Variants in CARS2 observed in about 807,000 individuals in gnomAD.
The protein encoded by CARS2 is probable cysteine--tRNA ligase, mitochondrial.
CARS2 carries 52 observed loss-of-function variants against 68.8 expected under a neutral mutation model. The ratio of observed to expected loss-of-function variants is 0.76; its 90% confidence interval spans 0.61 to 0.95. The LOEUF is 0.95. Among genes scored for constraint, CARS2 ranks in the 40% least tolerant of loss-of-function variants. The pLI, the probability that CARS2 is intolerant of heterozygous loss-of-function variation, is 0.00. For missense variants in CARS2, 780 were observed against 754.2 expected (o/e 1.03, Z -0.40); for synonymous variants, 314 against 303.6 (o/e 1.03, Z -0.36).
rs751587477 is a variant in CARS2, at chr13:110,646,035, G to C, written c.1249C>G (p.Pro417Ala). ...KAALADDFDT[P>A]RVVDAILGLA... is the part of the protein sequence containing the mutation. ...CCCAGGATGGCATCAACCACCCTGG[G>C]TGTGTCAAAATCATCTGCCAAGGCC... is the stretch of plus-strand genomic sequence containing the variant. The change falls in exon 12 of 15, where the codon CCC becomes GCC. Residue 417 changes from proline (P) to alanine (A), a missense_variant. Transcript: ENST00000257347. The C allele has an allele frequency of 6.2e-7, 1 of 1,613,828 alleles. No homozygotes were observed. The highest frequency in any genetic ancestry group is 8.5e-7 in the Non-Finnish European group (1 of 1,179,926).
At chr13:110,708,653 G>A (rs569752644), upstream of CARS2, among the ~76,000 whole-genome samples, 112 of 150,654 alleles carry the variant, frequency 7.4e-4, no homozygotes, top group Non-Finnish European at 1.4e-3. Context: ...TGCAGCCTCT[G>A]CCTCCTGGTT....
At position 110,655,577 on chromosome 13, in the gene CARS2, C is replaced by A. The variant is rs189093074; in HGVS notation, c.988-4477G>T. ...CTATAGGGAGATGTGTGCACACACA[C>A]ACCTGCTCCGAGAAAACTAACCGCT... On this transcript the variant is annotated intron_variant, in intron 9 of 14. Coordinates refer to ENST00000257347, the MANE Select transcript of CARS2 (RefSeq NM_024537.4). Among the ~76,000 whole-genome samples the A allele has an allele frequency of 1.3e-4, 20 of 152,348 alleles. No homozygotes were observed. The East Asian group carries it at 3.9e-3, about 29-fold the overall frequency.
At chr13:110,698,198 GTATGTA>G (rs1341167409) in intron 3 of CARS2, among the ~76,000 whole-genome samples, 4 of 152,240 alleles carry the variant, frequency 2.6e-5, no homozygotes, top group African/African-American at 4.8e-5. Flanking sequence ...GACTTAAAAA[GTATGTA>G]TATGTATATT....
Position 110,665,220 on chromosome 13 carries a change from C to T in CARS2, c.920-1702G>A. ...CCAGCACTTTGGGAGGCAGAGGTGG[C>T]AGATCACTTGAGGTCAGGGGTTTGA... On this transcript the variant is annotated intron_variant, in intron 8 of 14. Transcript: ENST00000257347. This position sits in a 1 kb window ranked among gnomAD's most constrained non-coding sequence, Gnocchi z 4.3. 2 of 931,002 alleles carry T rather than the reference C, an allele frequency of 2.1e-6. No individual in the cohort carries two copies. Among genetic ancestry groups the T allele is most frequent in the Non-Finnish European group, 2.6e-6 (2 of 780,332 alleles). The allele number at this position is 931,002 out of a possible 1,614,324, so 57.7% of individuals were successfully genotyped here. A position where few individuals can be genotyped will look rare whatever the true frequency, so the allele number is the denominator to read the frequency against.
intron 1 of CARS2, chr13:110,713,023 G>C: frequency 6.6e-7 from 1 of 1,508,188 alleles, no homozygotes; most frequent in Non-Finnish European, 8.9e-7. Context: ...AGGACACCGA[G>C]AGGGTGCCAG....
At chr13:110,658,822 G>A (rs892050801) in intron 9 of CARS2, among the ~76,000 whole-genome samples, 5 of 152,046 alleles carry the variant, frequency 3.3e-5, no homozygotes, top group African/African-American at 9.7e-5. Context: ...CCAGCTACTC[G>A]GTAGGCTGAG....
At chr13:110,642,032 T>G (rs2139665484) in intron 14 of CARS2, among the ~76,000 whole-genome samples, 1 of 152,024 alleles carries the variant, frequency 6.6e-6, no homozygotes, top group African/African-American at 2.4e-5. Flanking sequence ...AGAAAACCTG[T>G]CTCTACTAAA....
chr13:110,655,046 G>A (rs1051973534), intron 9 of CARS2, among the ~76,000 whole-genome samples: 1 of 152,060 alleles, frequency 6.6e-6, no homozygotes, highest in Non-Finnish European at 1.5e-5. Context: ...ACTGCCAGTA[G>A]GAATGTAAAT....
intron 5 of CARS2, among the ~76,000 whole-genome samples, chr13:110,685,877 C>T (rs940615938): frequency 2.0e-5 from 3 of 151,170 alleles, no homozygotes; most frequent in South Asian, 4.2e-4. Context: ...GATTAGCATC[C>T]GCAAACCAAT....
rs151026419 is a variant in CARS2, at chr13:110,677,339, G to A, written c.656-236C>T. On this transcript the variant is annotated intron_variant, in intron 6 of 14. Coordinates refer to ENST00000257347, the MANE Select transcript of CARS2 (RefSeq NM_024537.4). ...AAACTCAGACAGTCACCCCCACCAC[G>A]GGGACCCAGTCACCCCCACCACGGA... 3.4e-5 allele frequency among the ~76,000 whole-genome samples: 2 copies of A among 59,288 alleles called. 1 individual carries two copies. The allele number at this position is 59,288 out of a possible 152,430, so 38.9% of individuals were successfully genotyped here. A position where few individuals can be genotyped will look rare whatever the true frequency, so the allele number is the denominator to read the frequency against.
chr13:110,642,436 G>A lies in CARS2; in HGVS notation c.1502C>T (p.Ala501Val), dbSNP rs756833981. The A allele has an allele frequency of 2.1e-5, 33 of 1,605,932 alleles. No homozygotes were observed. The highest frequency in any genetic ancestry group is 2.5e-5 in the Non-Finnish European group (29 of 1,176,672). ...CCCCGTGGCCTCGGGCATGGCCAGC[G>A]CAAACTGCCGGACCTTCTGCCGGAA... ...VRFRQKVRQF[A>V]LAMPEATGDA... Residue 501 changes from alanine to valine, a missense_variant, in exon 14 of 15, where the codon GCG (alanine) becomes GTG (valine). By Grantham distance (64) the Ala-to-Val change is moderately conservative (BLOSUM62 0). Transcript: ENST00000257347.
intron 3 of CARS2, among the ~76,000 whole-genome samples, chr13:110,690,482 C>T (rs1176619357): frequency 2.0e-5 from 3 of 152,154 alleles, no homozygotes; most frequent in African/African-American, 7.2e-5. Flanking sequence ...AGCTTCTCTC[C>T]CTCGCAGCAC....
chr13:110,688,104 C>T (rs2063357479), intron 3 of CARS2, 86 bp from the exon 4 acceptor site: 2 of 869,464 alleles, frequency 2.3e-6, no homozygotes, highest in African/African-American at 1.6e-5. Flanking sequence ...ACGTGCACAA[C>T]ACGACAGCAA....
In CARS2 at chr13:110,642,345, C is replaced by T. The variant is rs778799638; in HGVS notation, c.1593G>A (p.Arg531=). The T allele has an allele frequency of 1.3e-6, 2 of 1,551,356 alleles. No individual in the cohort carries two copies. The highest frequency in any genetic ancestry group is 1.7e-6 in the Non-Finnish European group (2 of 1,147,226). Residue 531 remains arginine (R), a synonymous_variant, in exon 14 of 15, where the codon CGG becomes CGA. Transcript: ENST00000257347. The stretch of plus-strand genomic sequence containing the variant: ...TGTTGATGCCGTGGGCAGTCAGGCC[C>T]CGGCGCAGGGTGTCGCATGCTTCCA... The part of the protein sequence containing the change: ...PLLEACDTLR[R]GLTAHGINIK...
At position 110,676,965 on chromosome 13, in the gene CARS2, G is replaced by T. The variant is rs762847360; in HGVS notation, c.785+9C>A. 1 of 1,540,566 alleles carries T rather than the reference G, an allele frequency of 6.5e-7. No homozygotes were observed. The highest frequency in any genetic ancestry group is 1.2e-5 in the South Asian group (1 of 83,160). On this transcript the variant is annotated intron_variant, in intron 7 of 14. Coordinates refer to ENST00000257347, the MANE Select transcript of CARS2 (RefSeq NM_024537.4). The surrounding 1 kb of genome is among the most constrained non-coding windows in gnomAD (Gnocchi z 4.0). ...AGCCCCAACCCCCAGGAAGCGGCAG[G>T]CACCTTACCTAGCGATGGCAGAGCA... is the stretch of plus-strand genomic sequence containing the variant.
chr13:110,711,641 C>T (rs1032090860), intron 1 of CARS2, among the ~76,000 whole-genome samples: 15 of 152,212 alleles, frequency 9.9e-5, no homozygotes, highest in African/African-American at 3.6e-4. Flanking sequence ...ACAGCCATTT[C>T]CCCAAATATC....
chr13:110,650,984 G>C, intron 10 of CARS2, 50 bp downstream of exon 10: 1 of 1,382,764 alleles, frequency 7.2e-7, no homozygotes, highest in Non-Finnish European at 1.0e-6. Flanking sequence ...CTGTCAGAAT[G>C]ACTGTCTCCG....
At chr13:110,656,593 C>T (rs553554253) in intron 9 of CARS2, among the ~76,000 whole-genome samples, 2 of 151,758 alleles carry the variant, frequency 1.3e-5, no homozygotes, top group African/African-American at 2.4e-5. Flanking sequence ...GTGATAAAAA[C>T]GTTCTTAGAG....
chr13:110,680,898 T>C (rs1237414398), intron 6 of CARS2, among the ~76,000 whole-genome samples: 1 of 152,218 alleles, frequency 6.6e-6, no homozygotes, highest in East Asian at 1.9e-4. Flanking sequence ...AGGGCAGTAG[T>C]TGCCCCCAGG....
Sources: allele counts gnomAD v4.1 joint callset (sites outside exome capture counted in the v4.1 genomes callset), GRCh38; gene constraint gnomAD v4.1.1; non-coding constraint Gnocchi (gnomAD v3.1); transcripts MANE v1.5; gene names NCBI Gene and HGNC (gene_info 2026-07-23, HGNC 2026-07-21).